Variants in MYO5B observed in about 807,000 individuals in gnomAD.
MYO5B encodes the protein unconventional myosin-Vb.
MYO5B carries 143 observed loss-of-function variants against 229.3 expected under a neutral mutation model. That is an observed-to-expected ratio of 0.62 (90% CI 0.54 to 0.72). The LOEUF (loss-of-function observed/expected upper bound fraction) is 0.72, where lower values mean the gene tolerates loss of function less well. Among genes scored for constraint, MYO5B ranks in the 30% least tolerant of loss-of-function variants. MYO5B has a pLI of 0.00. For synonymous variants in MYO5B, 918 were observed against 885.2 expected (o/e 1.04, Z -0.66); for missense variants, 2,321 against 2,331.0 (o/e 1.00, Z 0.09).
chr18:50,186,200 C>T (rs1299953392), intron 1 of MYO5B, among the ~76,000 whole-genome samples: 1 of 152,218 alleles, frequency 6.6e-6, no homozygotes, highest in Non-Finnish European at 1.5e-5. Flanking sequence ...GCTGGGCCAG[C>T]CTCATCGCAA....
rs1010517894 is a variant in MYO5B at position 50,109,560 on chromosome 18, G to A, written c.28-54182C>T. On this transcript the variant is annotated intron_variant, in intron 1 of 39. Coordinates refer to ENST00000285039, the MANE Select transcript of MYO5B (RefSeq NM_001080467.3). ...CCTGCCTCAGCCTCCCAAGTAGCTG[G>A]GACTACAGGCGCCGCCACCATGCTT... 2.6e-5 allele frequency among the ~76,000 whole-genome samples: 4 copies of A among 152,194 alleles called. No homozygotes were observed. In the East Asian group the frequency reaches 7.7e-4, roughly 29 times the overall value.
intron 18 of MYO5B, among the ~76,000 whole-genome samples, chr18:49,908,347 C>T (rs1021138908): frequency 2.6e-5 from 4 of 152,180 alleles, no homozygotes; most frequent in African/African-American, 4.8e-5. Context: ...ACTGATCAGT[C>T]GATCAATCAT....
At chr18:50,169,617 T>A (rs527647440) in intron 1 of MYO5B, among the ~76,000 whole-genome samples, 1 of 127,238 alleles carries the variant, frequency 7.9e-6, no homozygotes, top group South Asian at 2.8e-4. Flanking sequence ...ACGTTCCAGA[T>A]TGGAAGAGAC....
intron 8 of MYO5B, among the ~76,000 whole-genome samples, chr18:49,984,113 T>C (rs987528397): frequency 2.0e-5 from 3 of 152,198 alleles, no homozygotes; most frequent in Non-Finnish European, 2.9e-5. Context: ...TACCTTCTAC[T>C]TTACCGCTTC....
chr18:50,099,941 G>A (rs2031624077), intron 1 of MYO5B, among the ~76,000 whole-genome samples: 1 of 151,980 alleles, frequency 6.6e-6, no homozygotes, highest in Non-Finnish European at 1.5e-5. Flanking sequence ...CAGGACACTG[G>A]ACATAGGACC....
At chr18:50,073,409 G>C (rs113569576) in intron 1 of MYO5B, among the ~76,000 whole-genome samples, 1,535 of 152,224 alleles carry the variant, frequency 0.01, 29 homozygotes, top group African/African-American at 0.034. Context: ...TGCAAGCATC[G>C]TGAGAAGCCA....
intron 10 of MYO5B, 104 bp downstream of exon 10, chr18:49,974,246 G>A: frequency 6.5e-7 from 1 of 1,546,480 alleles, no homozygotes; most frequent in Non-Finnish European, 8.9e-7. Context: ...ACTGCCCTAA[G>A]TTGAGAACCA....
At chr18:50,182,266 A>T (rs969086041) in intron 1 of MYO5B, among the ~76,000 whole-genome samples, 4 of 152,336 alleles carry the variant, frequency 2.6e-5, no homozygotes, top group Middle Eastern at 3.4e-3. Context: ...CTGTTCTGAA[A>T]GCCACTGGCT....
At chr18:50,052,472 G>A (rs1001423734) in intron 2 of MYO5B, among the ~76,000 whole-genome samples, 3 of 146,364 alleles carry the variant, frequency 2.0e-5, no homozygotes, top group East Asian at 2.1e-4. Flanking sequence ...ACCAAACACC[G>A]CATGTTCTCA....
At chr18:50,146,350 T>C (rs1386122030) in intron 1 of MYO5B, among the ~76,000 whole-genome samples, 2 of 152,352 alleles carry the variant, frequency 1.3e-5, no homozygotes, top group South Asian at 2.1e-4. Flanking sequence ...GAAAGCCCTC[T>C]TCCTACATGG....
intron 17 of MYO5B, 83 bp downstream of exon 17, chr18:49,929,429 G>T: frequency 1.8e-6 from 2 of 1,114,948 alleles, no homozygotes; most frequent in South Asian, 1.4e-5. Flanking sequence ...TCTGGCCGAC[G>T]GTACACAGAG....
At chr18:50,177,709 T>C (rs574698107) in intron 1 of MYO5B, among the ~76,000 whole-genome samples, 42 of 152,354 alleles carry the variant, frequency 2.8e-4, no homozygotes, top group African/African-American at 8.7e-4. Context: ...TGGGTCTTCA[T>C]CACCACCCAC....
chr18:50,137,744 A>G (rs1309759769), intron 1 of MYO5B, among the ~76,000 whole-genome samples: 2 of 152,214 alleles, frequency 1.3e-5, no homozygotes, highest in South Asian at 4.1e-4. Context: ...ATTCACATCA[A>G]TGACAGATTG....
chr18:50,098,121 T>G (rs571719843), intron 1 of MYO5B, among the ~76,000 whole-genome samples: 58 of 152,288 alleles, frequency 3.8e-4, no homozygotes, highest in African/African-American at 1.3e-3. Flanking sequence ...AATAAAATAT[T>G]TGCTTTAACA....
chr18:50,002,309 A>G (rs184057251), intron 4 of MYO5B, among the ~76,000 whole-genome samples: 5 of 152,334 alleles, frequency 3.3e-5, no homozygotes, highest in African/African-American at 1.2e-4. Context: ...ATCAATTTCA[A>G]TAAGTGGGAT....
At chr18:50,093,080 A>G (rs1483692184) in intron 1 of MYO5B, among the ~76,000 whole-genome samples, 1 of 152,146 alleles carries the variant, frequency 6.6e-6, no homozygotes, top group Non-Finnish European at 1.5e-5. Context: ...AGACTGAAAA[A>G]ATACAAAGAG....
rs184109384 is a variant in MYO5B at position 50,019,323 on chromosome 18, C to T, written c.455+17527G>A. Among the ~76,000 whole-genome samples the T allele has an allele frequency of 2.3e-3, 345 of 152,302 alleles. 2 individuals carry two copies. The highest frequency in any genetic ancestry group is 8.0e-3 in the African/African-American group (334 of 41,550). The stretch of plus-strand genomic sequence containing the variant: ...CCACAGTGAGAAGGCACAACCTGCT[C>T]AGTGGGTGAGTCGGCCCCTGCTACC... On this transcript the variant is annotated intron_variant, in intron 4 of 39. Transcript: ENST00000285039.
rs768343996 is a variant in MYO5B at position 49,879,014 on chromosome 18, G to T, written c.3207C>A (p.Asn1069Lys). ...ELEEERSRYQ[N>K]LVKEYSQLEQ... is the part of the protein sequence containing the mutation. Reference sequence around the variant, plus strand: ...CCAACTGTGAATATTCCTTCACAAGGTTCTGGTACCGGGATCGCTCCTCCT... The same window carrying T: ...CCAACTGTGAATATTCCTTCACAAGTTTCTGGTACCGGGATCGCTCCTCCT... Residue 1069 changes from asparagine to lysine, a missense_variant, in exon 24 of 40, where the codon AAC (asparagine) becomes AAA (lysine). By Grantham distance (94) the Asn-to-Lys change is moderately conservative (BLOSUM62 0). Around this residue, in one of 2 missense-constraint regions of MYO5B, gnomAD observed 2,113 missense variants for 2,044.7 expected, o/e 1.03. Coordinates refer to ENST00000285039, the MANE Select transcript of MYO5B (RefSeq NM_001080467.3). 1.8e-5 allele frequency: 29 copies of T among 1,613,168 alleles called. No individual in the cohort carries two copies. The highest frequency in any genetic ancestry group is 2.4e-5 in the Non-Finnish European group (28 of 1,179,904).
intron 14 of MYO5B, among the ~76,000 whole-genome samples, chr18:49,939,897 C>A (rs2025294544): frequency 6.6e-6 from 1 of 152,184 alleles, no homozygotes; most frequent in African/African-American, 2.4e-5. Context: ...TAGCTGACAT[C>A]ATCTCCTGAG....
Sources: gnomAD v4.1 joint callset for allele counts (sites outside exome capture counted in the v4.1 genomes callset) on GRCh38, gnomAD v4.1.1 for gene constraint, gnomAD v4.1.1 regional missense constraint, MANE v1.5 for transcripts, NCBI Gene and HGNC (gene_info 2026-07-23, HGNC 2026-07-21) for gene names.